Variants in CTNND2 observed in about 807,000 individuals in gnomAD.
The protein encoded by CTNND2 is catenin delta 2.
In CTNND2, 22 loss-of-function variants were observed where a neutral mutation model predicts 144.4. The observed-to-expected ratio is 0.15, with a 90% CI of 0.11 to 0.22. CTNND2 has a LOEUF of 0.22. Among genes scored for constraint, CTNND2 ranks in the 10% least tolerant of loss-of-function variants. CTNND2 has a pLI of 1.00. For synonymous variants in CTNND2, 751 were observed against 695.6 expected (o/e 1.08, Z -1.25); for missense variants, 1,353 against 1,618.8 (o/e 0.84, Z 2.82).
chr5:11,131,435 G>A lies in CTNND2; in HGVS notation c.2160-13868C>T, dbSNP rs1200496744. On this transcript the variant is annotated intron_variant, in intron 12 of 21. Coordinates refer to ENST00000304623, the MANE Select transcript of CTNND2 (RefSeq NM_001332.4). ...ACCTGGCTTTTAAATGTCAGACTGT[G>A]GGCGTTAAGATTTTCAAGATCTGGC... Among the ~76,000 whole-genome samples, 3 of 152,252 alleles carry A rather than the reference G, an allele frequency of 2.0e-5. No homozygotes were observed. In the South Asian group the frequency reaches 6.2e-4, roughly 32 times the overall value.
chr5:11,229,769 T>C (rs193102358), intron 10 of CTNND2, among the ~76,000 whole-genome samples: 38 of 151,858 alleles, frequency 2.5e-4, no homozygotes, highest in Non-Finnish European at 4.1e-4. Context: ...GTATAACTGC[T>C]TTCATGTATA....
chr5:11,211,298 G>T (rs1738603634), intron 10 of CTNND2, among the ~76,000 whole-genome samples: 1 of 152,058 alleles, frequency 6.6e-6, no homozygotes, highest in South Asian at 2.1e-4. Context: ...AGATGAGGTT[G>T]CAGGGCCCTG....
At chr5:11,859,663 G>T (rs946844032) in intron 1 of CTNND2, among the ~76,000 whole-genome samples, 1 of 152,204 alleles carries the variant, frequency 6.6e-6, no homozygotes, top group South Asian at 2.1e-4. Flanking sequence ...GTTCATCTAT[G>T]AGAGCCACCT....
intron 3 of CTNND2, among the ~76,000 whole-genome samples, chr5:11,443,842 G>A (rs1296800297): frequency 6.6e-6 from 1 of 151,430 alleles, no homozygotes; most frequent in Non-Finnish European, 1.5e-5. Context: ...CTGCAAGATG[G>A]CATTATAATA....
In CTNND2 at chr5:11,263,190, G is replaced by A. The variant is rs368236724; in HGVS notation, c.1629-26367C>T. 5.6e-4 allele frequency among the ~76,000 whole-genome samples: 85 copies of A among 152,208 alleles called. 2 individuals are homozygous for A. In the South Asian group the frequency reaches 0.017, roughly 30 times the overall value. On this transcript the variant is annotated intron_variant, in intron 9 of 21. Transcript: ENST00000304623. ...TTTCTTTTTCCATTGACCCAGCATCGATATCTCAACCTGCTTGACTTTATT... is the reference window on the plus strand; with the variant it reads ...TTTCTTTTTCCATTGACCCAGCATCAATATCTCAACCTGCTTGACTTTATT...
chr5:11,518,794 T>A (rs1157059531), intron 3 of CTNND2, among the ~76,000 whole-genome samples: 1 of 152,188 alleles, frequency 6.6e-6, no homozygotes, highest in Non-Finnish European at 1.5e-5. Flanking sequence ...TATAACCTGG[T>A]GTGTAGTTGG....
intron 3 of CTNND2, among the ~76,000 whole-genome samples, chr5:11,426,044 T>G (rs574152833): frequency 4.7e-4 from 71 of 152,232 alleles, no homozygotes; most frequent in African/African-American, 1.6e-3. Flanking sequence ...TTTCCCCTGA[T>G]GTTTCCTCTC....
chr5:11,431,885 G>A (rs6865100), intron 3 of CTNND2, among the ~76,000 whole-genome samples: 6 of 152,114 alleles, frequency 3.9e-5, no homozygotes, highest in South Asian at 4.2e-4. Flanking sequence ...ACAATAACAC[G>A]CACAGCACGG....
chr5:11,166,049 C>T (rs1016025001), intron 11 of CTNND2, among the ~76,000 whole-genome samples: 6 of 151,966 alleles, frequency 3.9e-5, no homozygotes, highest in African/African-American at 1.5e-4. Flanking sequence ...TCAAACCAAG[C>T]CCAAAGGAAA....
chr5:11,270,158 C>T (rs916716186), intron 9 of CTNND2, among the ~76,000 whole-genome samples: 4 of 152,242 alleles, frequency 2.6e-5, no homozygotes, highest in Admixed American at 6.5e-5. Context: ...AGAAGAACTT[C>T]CCCAAAGTGG....
chr5:11,315,458 A>G (rs980818063), intron 9 of CTNND2, among the ~76,000 whole-genome samples: 1 of 152,140 alleles, frequency 6.6e-6, no homozygotes, highest in Non-Finnish European at 1.5e-5. Context: ...AGCACTTTTT[A>G]TTTTAGAGTT....
chr5:11,240,821 TCAGCACACACACCC>T (rs1742320474), intron 9 of CTNND2, among the ~76,000 whole-genome samples: 2 of 59,232 alleles, frequency 3.4e-5, no homozygotes, highest in African/African-American at 6.7e-5. Context: ...ACACATACAC[TCAGCACACACACCC>T]CCCAACACAC....
At chr5:11,796,023 C>T (rs1451129486) in intron 1 of CTNND2, among the ~76,000 whole-genome samples, 1 of 152,216 alleles carries the variant, frequency 6.6e-6, no homozygotes, top group African/African-American at 2.4e-5. Context: ...GGCCTCCTAC[C>T]TCTATCTTCA....
chr5:11,100,766 T>C (rs559329987), intron 14 of CTNND2, among the ~76,000 whole-genome samples: 1 of 152,340 alleles, frequency 6.6e-6, no homozygotes, highest in Admixed American at 6.5e-5. Flanking sequence ...CAACTCAACA[T>C]GGATAGATTT....
At chr5:11,361,792 C>T (rs1482725061) in intron 8 of CTNND2, among the ~76,000 whole-genome samples, 3 of 152,216 alleles carry the variant, frequency 2.0e-5, no homozygotes, top group African/African-American at 7.2e-5. Flanking sequence ...GTTTCAATGA[C>T]ACCGTCTAAT....
At chr5:11,631,891 A>G (rs1269067169) in intron 2 of CTNND2, among the ~76,000 whole-genome samples, 1 of 152,166 alleles carries the variant, frequency 6.6e-6, no homozygotes, top group African/African-American at 2.4e-5. Flanking sequence ...GACATGGGGC[A>G]TGTCCCGGAC....
chr5:11,332,344 A>C (rs114557729), intron 9 of CTNND2, among the ~76,000 whole-genome samples: 3 of 150,792 alleles, frequency 2.0e-5, no homozygotes, highest in African/African-American at 4.9e-5. Flanking sequence ...TTTTGAAAGG[A>C]TCAGGATCCA....
chr5:11,796,866 G>A (rs1791433038), intron 1 of CTNND2, among the ~76,000 whole-genome samples: 1 of 152,192 alleles, frequency 6.6e-6, no homozygotes, highest in Non-Finnish European at 1.5e-5. Context: ...AAAAGCTCAA[G>A]AGAAGTACTA....
At position 11,788,882 on chromosome 5, in the gene CTNND2, A is replaced by G. The variant is rs140740103; in HGVS notation, c.38-56610T>C. Among the ~76,000 whole-genome samples, 147 of 144,928 alleles carry G rather than the reference A, an allele frequency of 1.0e-3. 2 individuals are homozygous for G. In the East Asian group the frequency reaches 0.028, roughly 28 times the overall value. Reference sequence around the variant, plus strand: ...TGGGATGTACCCCTTCCTGTGTCCAAGTGTTCTCATTGTTCAATTCCCACC... The same window carrying G: ...TGGGATGTACCCCTTCCTGTGTCCAGGTGTTCTCATTGTTCAATTCCCACC... On this transcript the variant is annotated intron_variant, in intron 1 of 21. Coordinates refer to ENST00000304623, the MANE Select transcript of CTNND2 (RefSeq NM_001332.4).
Sources: allele counts gnomAD v4.1 joint callset (sites outside exome capture counted in the v4.1 genomes callset), GRCh38; gene constraint gnomAD v4.1.1; transcripts MANE v1.5; gene names NCBI Gene and HGNC (gene_info 2026-07-23, HGNC 2026-07-21).